HDAC9: variants seen among roughly 807,000 people sequenced by gnomAD.
The protein encoded by HDAC9 is MEF-2 interacting transcription repressor (MITR) protein.
HDAC9 carries 41 observed loss-of-function variants against 139.4 expected under a neutral mutation model. That is an observed-to-expected ratio of 0.29 (90% CI 0.23 to 0.38). HDAC9 has a LOEUF of 0.38. HDAC9 is among the 10% of genes least tolerant of loss of function. The pLI is 1.00. For missense variants in HDAC9, 1,147 were observed against 1,297.0 expected (o/e 0.88, Z 1.78); for synonymous variants, 517 against 476.2 (o/e 1.09, Z -1.12).
chr7:18,773,462 G>A (rs551342894), intron 16 of HDAC9, among the ~76,000 whole-genome samples: 50 of 150,922 alleles, frequency 3.3e-4, no homozygotes, highest in African/African-American at 1.1e-3. Context: ...GGAAGAAAAC[G>A]ATTATGAACA....
At chr7:18,633,561 A>C (rs898917979) in intron 7 of HDAC9, among the ~76,000 whole-genome samples, 3 of 152,106 alleles carry the variant, frequency 2.0e-5, no homozygotes, top group Admixed American at 1.3e-4. Flanking sequence ...ATGGGAAAAG[A>C]GAATGTAGAT....
chr7:18,257,380 C>T (rs1224962523), intron 2 of HDAC9, among the ~76,000 whole-genome samples: 2 of 144,354 alleles, frequency 1.4e-5, no homozygotes, highest in Non-Finnish European at 3.0e-5. Flanking sequence ...CTCTCTCTCT[C>T]TCTCTCTCTC....
At chr7:18,880,644 C>A (rs1204493124) in intron 22 of HDAC9, among the ~76,000 whole-genome samples, 1 of 151,888 alleles carries the variant, frequency 6.6e-6, no homozygotes, top group Non-Finnish European at 1.5e-5. Context: ...ATACTGGGGT[C>A]TACTTGAGAG....
intron 12 of HDAC9, among the ~76,000 whole-genome samples, chr7:18,710,183 A>G (rs758839839): frequency 2.6e-5 from 4 of 152,242 alleles, no homozygotes; most frequent in East Asian, 3.9e-4. Context: ...ACAGCATGGA[A>G]GAAACCCACC....
intron 24 of HDAC9, among the ~76,000 whole-genome samples, chr7:18,957,741 TCAACAGGAG>T (rs1783255702): frequency 6.6e-6 from 1 of 152,182 alleles, no homozygotes; most frequent in Non-Finnish European, 1.5e-5. Context: ...TAGTCCTTGT[TCAACAGGAG>T]CACTTCCTCT....
intron 22 of HDAC9, among the ~76,000 whole-genome samples, chr7:18,928,086 G>C (rs1804396643): frequency 6.6e-6 from 1 of 152,150 alleles, no homozygotes; most frequent in Non-Finnish European, 1.5e-5. Flanking sequence ...AGAATTGGCT[G>C]CTGATTCTAG....
chr7:18,255,388 G>A (rs1210547170), intron 2 of HDAC9, among the ~76,000 whole-genome samples: 1 of 152,136 alleles, frequency 6.6e-6, no homozygotes, highest in Non-Finnish European at 1.5e-5. Context: ...GATTCTTGGA[G>A]AATGGGAAAA....
intron 13 of HDAC9, 118 bp from the exon 14 acceptor site, chr7:18,748,887 C>G (rs1188141662): frequency 2.0e-6 from 2 of 977,810 alleles, no homozygotes; most frequent in African/African-American, 1.7e-5. Context: ...ATATTTCCTC[C>G]TTTGTTAAAT....
intron 2 of HDAC9, among the ~76,000 whole-genome samples, chr7:18,166,307 T>C (rs570865756): frequency 4.6e-5 from 7 of 152,168 alleles, no homozygotes; most frequent in Non-Finnish European, 8.8e-5. Flanking sequence ...CTTTTCACCA[T>C]TGTGGGAAGT....
At chr7:18,972,684 G>T (rs1403377008) in intron 24 of HDAC9, among the ~76,000 whole-genome samples, 1 of 152,004 alleles carries the variant, frequency 6.6e-6, no homozygotes, top group African/African-American at 2.4e-5. Context: ...CCCAGCCTTT[G>T]ATGAGGTTCT....
intron 6 of HDAC9, among the ~76,000 whole-genome samples, chr7:18,611,025 C>T (rs982680628): frequency 6.6e-6 from 1 of 152,026 alleles, no homozygotes; most frequent in Admixed American, 6.6e-5. Context: ...ATGTGAAATC[C>T]TTCGTTTTTT....
At chr7:18,561,162 G>C (rs1290493953) in intron 2 of HDAC9, among the ~76,000 whole-genome samples, 1 of 152,204 alleles carries the variant, frequency 6.6e-6, no homozygotes, top group Non-Finnish European at 1.5e-5. Flanking sequence ...TCAGTTATTT[G>C]TGGTGGCATT....
chr7:18,976,599 C>T (rs1292562018), intron 25 of HDAC9, among the ~76,000 whole-genome samples: 1 of 152,162 alleles, frequency 6.6e-6, no homozygotes, highest in African/African-American at 2.4e-5. Flanking sequence ...AGAAAAAATA[C>T]AGTGAAACTA....
intron 8 of HDAC9, among the ~76,000 whole-genome samples, chr7:18,640,357 TAAAAAAAAAAA>T (rs56655676): frequency 7.6e-5 from 5 of 66,082 alleles, no homozygotes; most frequent in South Asian, 6.7e-4. Context: ...GATCCTGTCT[TAAAAAAAAAAA>T]AAAAAAAAAA....
chr7:18,542,457 A>G (rs918649067), intron 2 of HDAC9, among the ~76,000 whole-genome samples: 1 of 152,232 alleles, frequency 6.6e-6, no homozygotes, highest in Admixed American at 6.5e-5. Flanking sequence ...CTAAGTTAAT[A>G]TTTGAATAAT....
chr7:18,593,693 A>G (rs1236125792), intron 5 of HDAC9, among the ~76,000 whole-genome samples: 2 of 152,122 alleles, frequency 1.3e-5, no homozygotes, highest in African/African-American at 4.8e-5. Context: ...TGACTGTATG[A>G]CCAAACACAT....
chr7:18,965,412 G>A (rs897484488), intron 24 of HDAC9, among the ~76,000 whole-genome samples: 12 of 152,200 alleles, frequency 7.9e-5, no homozygotes, highest in Non-Finnish European at 1.3e-4. Context: ...GAAAGGAACA[G>A]TTCCTACCAG....
At chr7:18,319,130 T>A (rs1051860989) in intron 1 of HDAC9, among the ~76,000 whole-genome samples, 1 of 152,224 alleles carries the variant, frequency 6.6e-6, no homozygotes, top group Non-Finnish European at 1.5e-5. Flanking sequence ...CTGATAATCT[T>A]AAAAACGCCA....
intron 22 of HDAC9, among the ~76,000 whole-genome samples, chr7:18,883,644 C>G (rs1253726638): frequency 1.3e-5 from 2 of 152,010 alleles, no homozygotes; most frequent in Non-Finnish European, 1.5e-5. Flanking sequence ...AGGATGCTCA[C>G]TCTCGCCACT....
Sources: allele counts gnomAD v4.1 joint callset (sites outside exome capture counted in the v4.1 genomes callset), GRCh38; gene constraint gnomAD v4.1.1; transcripts MANE v1.5; gene names NCBI Gene and HGNC (gene_info 2026-07-23, HGNC 2026-07-21).